The following B3GALT1 variants were observed in gnomAD, a reference collection of about 807,000 sequenced individuals.
B3GALT1 encodes the protein UDP-Gal:betaGlcNAc beta 1,3-galactosyltransferase, polypeptide 1.
B3GALT1 carries 10 observed loss-of-function variants against 23.2 expected under a neutral mutation model. The observed-to-expected ratio is 0.43, with a 90% confidence interval of 0.27 to 0.73. The LOEUF is 0.73. B3GALT1 is among the 30% of genes least tolerant of loss of function. B3GALT1 has a pLI of 0.21. For missense variants in B3GALT1, 299 were observed against 405.4 expected, an observed-to-expected ratio of 0.74 and a Z score of 2.25; for synonymous variants, 156 against 141.5, an observed-to-expected ratio of 1.10 and a Z score of -0.73.
chr2:167,716,073 AG>A, intron 3 of B3GALT1: 1 of 1,566,088 alleles, frequency 6.4e-7, no homozygotes, highest in Non-Finnish European at 8.8e-7. Flanking sequence ...CATAGCGCCA[AG>A]CTGCTCTGGC....
At chr2:167,562,076 A>T (rs1305940966) in intron 2 of B3GALT1, among the ~76,000 whole-genome samples, 1 of 152,234 alleles carries the variant, frequency 6.6e-6, no homozygotes, top group African/African-American at 2.4e-5. Flanking sequence ...TGGCAAACCA[A>T]TTCCAGCAGC....
chr2:167,503,941 A>T (rs1001375048), intron 2 of B3GALT1, among the ~76,000 whole-genome samples: 1 of 152,048 alleles, frequency 6.6e-6, no homozygotes, highest in South Asian at 2.1e-4. Context: ...TTTTTGCTTC[A>T]AATTCCTTTC....
intron 3 of B3GALT1, among the ~76,000 whole-genome samples, chr2:167,797,060 C>T (rs982507835): frequency 2.0e-5 from 3 of 152,100 alleles, no homozygotes; most frequent in Non-Finnish European, 1.5e-5. Flanking sequence ...TGGTTTGCTG[C>T]ACAGATCAAC....
At chr2:167,519,148 A>G (rs1265613743) in intron 2 of B3GALT1, among the ~76,000 whole-genome samples, 1 of 152,062 alleles carries the variant, frequency 6.6e-6, no homozygotes, top group Non-Finnish European at 1.5e-5. Flanking sequence ...ATGATGTTAC[A>G]TATAGTTATG....
At chr2:167,451,486 A>C (rs543000087) in intron 1 of B3GALT1, among the ~76,000 whole-genome samples, 1 of 152,266 alleles carries the variant, frequency 6.6e-6, no homozygotes, top group African/African-American at 2.4e-5. Context: ...GCCATTCAGC[A>C]AGGCTGCCAG....
chr2:167,700,229 G>GT (rs1338392109), intron 3 of B3GALT1, among the ~76,000 whole-genome samples: 1 of 152,092 alleles, frequency 6.6e-6, no homozygotes, highest in Non-Finnish European at 1.5e-5. Context: ...GGGTGACAGA[G>GT]TAAGACCTTG....
intron 2 of B3GALT1, among the ~76,000 whole-genome samples, chr2:167,596,043 G>A: frequency 6.6e-6 from 1 of 152,170 alleles, no homozygotes. Context: ...AGCAGGTAGT[G>A]GTTAATTAGT....
intron 3 of B3GALT1, among the ~76,000 whole-genome samples, chr2:167,711,682 C>T (rs765872981): frequency 3.9e-5 from 6 of 151,952 alleles, no homozygotes; most frequent in African/African-American, 7.3e-5. Context: ...TTAAAAATTC[C>T]AACTGGGAGT....
intron 1 of B3GALT1, among the ~76,000 whole-genome samples, chr2:167,299,370 A>G (rs1272521959): frequency 6.6e-6 from 1 of 152,236 alleles, no homozygotes; most frequent in Non-Finnish European, 1.5e-5. Context: ...AATAGGGCAT[A>G]TGAACTAATA....
At chr2:167,463,653 G>T (rs1218299092) in intron 1 of B3GALT1, among the ~76,000 whole-genome samples, 7 of 152,248 alleles carry the variant, frequency 4.6e-5, no homozygotes, top group Admixed American at 1.3e-4. Flanking sequence ...TCCCAACTTT[G>T]ATGGATTTCA....
intron 2 of B3GALT1, among the ~76,000 whole-genome samples, chr2:167,629,424 A>G (rs1685401626): frequency 6.6e-6 from 1 of 151,742 alleles, no homozygotes; most frequent in South Asian, 2.1e-4. Flanking sequence ...TGAGAGTTCC[A>G]GCGCACACAA....
intron 3 of B3GALT1, among the ~76,000 whole-genome samples, chr2:167,667,938 T>C (rs1186451277): frequency 6.6e-6 from 1 of 152,236 alleles, no homozygotes; most frequent in Non-Finnish European, 1.5e-5. Flanking sequence ...GAAGCCTTCT[T>C]CTCTCAGCTT....
intron 3 of B3GALT1, among the ~76,000 whole-genome samples, chr2:167,708,601 C>T (rs770448097): frequency 5.9e-5 from 9 of 152,246 alleles, no homozygotes; most frequent in African/African-American, 1.7e-4. Context: ...GCAGAGGTTG[C>T]GGTGAGCTGA....
intron 3 of B3GALT1, among the ~76,000 whole-genome samples, chr2:167,685,256 T>C (rs576073370): frequency 2.0e-4 from 30 of 152,282 alleles, no homozygotes; most frequent in African/African-American, 7.0e-4. Flanking sequence ...AAAAGAATGT[T>C]ATCCATTATT....
intron 1 of B3GALT1, among the ~76,000 whole-genome samples, chr2:167,326,561 C>T (rs1024999295): frequency 9.2e-5 from 14 of 151,606 alleles, no homozygotes; most frequent in Non-Finnish European, 2.1e-4. Context: ...GATTTATAGT[C>T]TTGAGACTTA....
At chr2:167,868,096 C>A (rs1690269233) in intron 4 of B3GALT1, among the ~76,000 whole-genome samples, 1 of 152,220 alleles carries the variant, frequency 6.6e-6, no homozygotes, top group Non-Finnish European at 1.5e-5. Context: ...TTTAGATCAA[C>A]TCCAAAATAA....
intron 3 of B3GALT1, among the ~76,000 whole-genome samples, chr2:167,699,328 G>GACCC (rs1686837961): frequency 6.9e-6 from 1 of 145,786 alleles, no homozygotes; most frequent in Admixed American, 6.9e-5. Context: ...TAAAGAAGTT[G>GACCC]TTGCAGGAAG....
intron 1 of B3GALT1, among the ~76,000 whole-genome samples, chr2:167,375,473 A>G (rs754675546): frequency 1.9e-4 from 29 of 152,078 alleles, no homozygotes; most frequent in Non-Finnish European, 2.8e-4. Context: ...ATTCATGAGT[A>G]TGGAGTGTTT....
At chr2:167,309,157 A>G (rs975318545) in intron 1 of B3GALT1, among the ~76,000 whole-genome samples, 1 of 152,066 alleles carries the variant, frequency 6.6e-6, no homozygotes, top group Non-Finnish European at 1.5e-5. Flanking sequence ...CACAGCAGAG[A>G]CTGTTAAAAG....
Sources: gnomAD v4.1 joint callset for allele counts (sites outside exome capture counted in the v4.1 genomes callset) on GRCh38, gnomAD v4.1.1 for gene constraint, MANE v1.5 for transcripts, NCBI Gene and HGNC (gene_info 2026-07-23, HGNC 2026-07-21) for gene names.